The following DIAPH3 variants were observed in gnomAD, a reference collection of about 807,000 sequenced individuals.
DIAPH3 encodes protein diaphanous homolog 3.
DIAPH3 carries 117 observed loss-of-function variants against 144.3 expected under a neutral mutation model. The observed-to-expected ratio is 0.81, with a 90% CI of 0.70 to 0.95. The LOEUF (loss-of-function observed/expected upper bound fraction) is 0.95. DIAPH3 is among the 40% of genes least tolerant of loss of function. The pLI, the probability that DIAPH3 is intolerant of heterozygous loss-of-function variation, is 0.00. For missense variants in DIAPH3, 1,421 were observed against 1,412.7 expected (o/e 1.01, Z -0.09); for synonymous variants, 519 against 488.9 (o/e 1.06, Z -0.81).
rs35207685 is a variant in DIAPH3, at chr13:59,870,665, G to GTT, written c.2607+8562_2607+8563dup. On this transcript the variant is annotated intron_variant, in intron 21 of 27. Transcript: ENST00000400324. ...TGATTTTTTTCAAAGTTTTGTAGGT[G>GTT]TTTTTTTTTTTTTTTTAAATTTGAG... is the stretch of plus-strand genomic sequence containing the variant. Among the ~76,000 whole-genome samples the GTT allele has an allele frequency of 1.3e-3, 175 of 139,204 alleles. 1 individual carries two copies. Among genetic ancestry groups the GTT allele is most frequent in the East Asian group, 3.4e-3 (16 of 4,770 alleles). The allele number at this position is 139,204 out of a possible 152,430, so 91.3% of individuals were successfully genotyped here.
At chr13:59,890,794 G>A (rs1302786674) in intron 20 of DIAPH3, among the ~76,000 whole-genome samples, 1 of 151,756 alleles carries the variant, frequency 6.6e-6, no homozygotes. Context: ...GAGCTGTTTC[G>A]AGGCTATGTA....
chr13:60,014,368 T>A (rs2053486622), intron 7 of DIAPH3, among the ~76,000 whole-genome samples: 1 of 152,174 alleles, frequency 6.6e-6, no homozygotes, highest in Non-Finnish European at 1.5e-5. Flanking sequence ...ATATCTAATA[T>A]CTGATTTTCA....
intron 27 of DIAPH3, among the ~76,000 whole-genome samples, chr13:59,710,923 T>C (rs2034699353): frequency 6.6e-6 from 1 of 152,234 alleles, no homozygotes; most frequent in Admixed American, 6.5e-5. Flanking sequence ...TACTTTGAGA[T>C]GAGTTTCTTC....
chr13:60,110,497 A>C (rs1437629935), intron 3 of DIAPH3, among the ~76,000 whole-genome samples: 1 of 152,234 alleles, frequency 6.6e-6, no homozygotes, highest in Non-Finnish European at 1.5e-5. Context: ...CCTAATCCAC[A>C]TTTAAAGAAG....
intron 1 of DIAPH3, among the ~76,000 whole-genome samples, chr13:60,150,965 G>A (rs1475354260): frequency 6.6e-6 from 1 of 152,040 alleles, no homozygotes; most frequent in African/African-American, 2.4e-5. Context: ...ATGTACAGAG[G>A]CTGTAGTAGG....
At chr13:60,093,842 T>C (rs1210876017) in intron 3 of DIAPH3, 110 bp from the exon 4 acceptor site, 1 of 760,542 alleles carries the variant, frequency 1.3e-6, no homozygotes, top group South Asian at 1.5e-5. Context: ...GCATTAATTG[T>C]TTTGGAATGA....
At chr13:59,800,162 C>G (rs61956706) in intron 25 of DIAPH3, among the ~76,000 whole-genome samples, 3 of 152,080 alleles carry the variant, frequency 2.0e-5, no homozygotes, top group African/African-American at 7.2e-5. Flanking sequence ...ATATAGAAAC[C>G]CTCATTACTC....
chr13:60,084,333 G>A (rs1195434435), intron 4 of DIAPH3, among the ~76,000 whole-genome samples: 1 of 151,540 alleles, frequency 6.6e-6, no homozygotes, highest in South Asian at 2.1e-4. Flanking sequence ...ATTTTTATTC[G>A]ACAAACGGTT....
intron 2 of DIAPH3, among the ~76,000 whole-genome samples, chr13:60,124,640 G>A (rs1014785859): frequency 4.0e-5 from 6 of 151,870 alleles, no homozygotes; most frequent in Admixed American, 6.6e-5. Context: ...AGGGAAAAGC[G>A]GACAATATTA....
rs756422711 is a variant in DIAPH3, at chr13:60,010,609, C to G, written c.832G>C (p.Asp278His). ...GTCATCATATTGGGGTGTCTGGGAT[C>G]CACGGCTTTGGCCAATAAGGAAAGG... is the stretch of plus-strand genomic sequence containing the variant. Reference protein sequence around the residue: ...RSLSLLAKAVDPRHPNMMTDV... With the variant: ...RSLSLLAKAVHPRHPNMMTDV... Residue 278 changes from aspartate (D) to histidine (H), a missense_variant, in exon 8 of 28, where the codon GAT (aspartate) becomes CAT (histidine). Asp to His is a moderately conservative substitution (Grantham distance 81). Transcript: ENST00000400324. 2 of 1,613,734 alleles carry G rather than the reference C, an allele frequency of 1.2e-6. No homozygotes were observed. Among genetic ancestry groups the G allele is most frequent in the South Asian group, 1.1e-5 (1 of 91,022 alleles).
chr13:60,053,694 T>C (rs1028483123), intron 4 of DIAPH3, among the ~76,000 whole-genome samples: 2 of 152,126 alleles, frequency 1.3e-5, no homozygotes, highest in African/African-American at 2.4e-5. Flanking sequence ...TCAGTGTATG[T>C]TCACTCACTA....
intron 25 of DIAPH3, among the ~76,000 whole-genome samples, chr13:59,800,132 G>A (rs1008078900): frequency 7.2e-5 from 11 of 152,108 alleles, no homozygotes; most frequent in African/African-American, 1.9e-4. Flanking sequence ...GTGTGTACAC[G>A]TACACATGCA....
At chr13:60,114,663 A>T (rs976603717) in intron 2 of DIAPH3, among the ~76,000 whole-genome samples, 2 of 151,848 alleles carry the variant, frequency 1.3e-5, no homozygotes, top group Non-Finnish European at 2.9e-5. Context: ...ACACACACAC[A>T]CACACACACA....
chr13:60,157,945 C>T lies in DIAPH3; in HGVS notation c.180+5642G>A, dbSNP rs144201037. On this transcript the variant is annotated intron_variant, in intron 1 of 27. Coordinates refer to ENST00000400324, the MANE Select transcript of DIAPH3 (RefSeq NM_001042517.2). ...CTACCCATTTGTGGCTCCTTCTCCT[C>T]TCCAGGATTTTCTCCTCATTTATCA... Among the ~76,000 whole-genome samples, 58 of 152,308 alleles carry T rather than the reference C, an allele frequency of 3.8e-4. No homozygotes were observed. The East Asian group carries it at 0.011, about 29-fold the overall frequency.
At chr13:59,756,171 G>T (rs1046412602) in intron 27 of DIAPH3, among the ~76,000 whole-genome samples, 1 of 152,084 alleles carries the variant, frequency 6.6e-6, no homozygotes, top group Admixed American at 6.5e-5. Flanking sequence ...TAATTCTGGT[G>T]CATGCTGAAA....
intron 9 of DIAPH3, 51 bp downstream of exon 9, chr13:60,008,493 A>G: frequency 8.1e-7 from 1 of 1,227,442 alleles, no homozygotes; most frequent in Non-Finnish European, 1.2e-6. Context: ...AAAACCGTTA[A>G]AAGTAATATA....
At chr13:59,984,255 T>A (rs1454374844) in intron 12 of DIAPH3, among the ~76,000 whole-genome samples, 1 of 151,692 alleles carries the variant, frequency 6.6e-6, no homozygotes, top group African/African-American at 2.4e-5. Context: ...TTAATTCACT[T>A]CATTAATACA....
chr13:59,673,607 C>T (rs2032492961), intron 27 of DIAPH3, among the ~76,000 whole-genome samples: 1 of 152,104 alleles, frequency 6.6e-6, no homozygotes, highest in Non-Finnish European at 1.5e-5. Flanking sequence ...TGGGGGTTAA[C>T]CAAGCCAGAA....
At chr13:59,732,401 T>C (rs2035933124) in intron 27 of DIAPH3, among the ~76,000 whole-genome samples, 1 of 150,828 alleles carries the variant, frequency 6.6e-6, no homozygotes, top group Non-Finnish European at 1.5e-5. Flanking sequence ...GTCCTATTTA[T>C]AATTCAGTCT....
Sources: gnomAD v4.1 joint callset for allele counts (sites outside exome capture counted in the v4.1 genomes callset) on GRCh38, gnomAD v4.1.1 for gene constraint, MANE v1.5 for transcripts, NCBI Gene and HGNC (gene_info 2026-07-23, HGNC 2026-07-21) for gene names.